The following GLIPR1L1 variants were observed in gnomAD, a reference collection of about 807,000 sequenced individuals.
GLIPR1L1 encodes GLIPR1-like protein 1.
GLIPR1L1 carries 26 observed loss-of-function variants against 29.9 expected under a neutral mutation model. The observed-to-expected ratio is 0.87, with a 90% confidence interval of 0.64 to 1.21. The LOEUF is 1.21. Among genes scored for constraint, GLIPR1L1 ranks in the 50% most tolerant of loss-of-function variants. The probability of loss-of-function intolerance (pLI) is 0.00; values close to 1 mark genes in which losing one functional copy is unlikely to be tolerated. For synonymous variants in GLIPR1L1, 77 were observed against 97.5 expected (o/e 0.79, Z 1.24); for missense variants, 305 against 290.3 (o/e 1.05, Z -0.37).
intron 3 of GLIPR1L1, among the ~76,000 whole-genome samples, chr12:75,349,133 G>T (rs1030474219): frequency 6.6e-6 from 1 of 152,110 alleles, no homozygotes; most frequent in Admixed American, 6.6e-5. Context: ...ACACATGCAC[G>T]TGAGGAAACA....
chr12:75,351,781 A>G (rs780462315), intron 3 of GLIPR1L1, among the ~76,000 whole-genome samples: 15 of 152,182 alleles, frequency 9.9e-5, no homozygotes, highest in Non-Finnish European at 1.8e-4. Flanking sequence ...TCCTGACCTC[A>G]GGTGATCCAC....
intron 3 of GLIPR1L1, among the ~76,000 whole-genome samples, chr12:75,353,037 A>G (rs914087674): frequency 1.3e-5 from 2 of 152,208 alleles, no homozygotes; most frequent in African/African-American, 4.8e-5. Context: ...CTCACATCAA[A>G]AAGCTAGAAA....
intron 3 of GLIPR1L1, among the ~76,000 whole-genome samples, chr12:75,356,341 T>TA (rs1229900186): frequency 1.3e-5 from 2 of 152,122 alleles, no homozygotes; most frequent in Non-Finnish European, 2.9e-5. Context: ...TGTGGATAAA[T>TA]ATATAAGATG....
intron 4 of GLIPR1L1, among the ~76,000 whole-genome samples, chr12:75,365,876 C>G (rs546416049): frequency 6.6e-6 from 1 of 152,180 alleles, no homozygotes; most frequent in South Asian, 2.1e-4. Flanking sequence ...ACCAACAATA[C>G]CAAATGTCTT....
intron 1 of GLIPR1L1, among the ~76,000 whole-genome samples, chr12:75,338,590 A>AT (rs113010335): frequency 0.039 from 5,797 of 148,554 alleles, 128 homozygotes; most frequent in East Asian, 0.051. Context: ...TGGAAAAGTT[A>AT]TTTTTTTTTT....
intron 2 of GLIPR1L1, among the ~76,000 whole-genome samples, chr12:75,346,923 T>C (rs945508943): frequency 6.6e-6 from 1 of 152,114 alleles, no homozygotes; most frequent in Non-Finnish European, 1.5e-5. Context: ...AGTATTTTTT[T>C]CCCTTTTTTG....
chr12:75,343,095 T>C (rs1237508948), intron 1 of GLIPR1L1, among the ~76,000 whole-genome samples: 2 of 152,126 alleles, frequency 1.3e-5, no homozygotes, highest in East Asian at 3.9e-4. Context: ...CCAATCCTTA[T>C]ACATTTTATA....
chr12:75,337,892 C>A (rs1487039789), intron 1 of GLIPR1L1, among the ~76,000 whole-genome samples: 1 of 151,854 alleles, frequency 6.6e-6, no homozygotes, highest in African/African-American at 2.4e-5. Flanking sequence ...GACTTTGAAC[C>A]CAATATAAAT....
chr12:75,370,294 C>G lies in GLIPR1L1; in HGVS notation c.*118C>G. 2.6e-5 allele frequency: 15 copies of G among 579,188 alleles called. No homozygotes were observed. The highest frequency in any genetic ancestry group is 3.7e-5 in the Non-Finnish European group (12 of 326,720). 35.9% of individuals were successfully genotyped at this position (579,188 alleles called of 1,614,324 possible). On this transcript the variant is annotated 3_prime_UTR_variant, in exon 6 of 6. Transcript: ENST00000378695. ...AATCTTCTACACTCTTGCCTGATAC[C>G]TAAATTTAATGTTTGTTTTTAACTC...
chr12:75,356,808 G>A (rs767810772), intron 3 of GLIPR1L1, among the ~76,000 whole-genome samples: 5 of 152,064 alleles, frequency 3.3e-5, no homozygotes, highest in Non-Finnish European at 7.4e-5. Flanking sequence ...AAAACTTTAG[G>A]ATTCTTTTTT....
intron 3 of GLIPR1L1, among the ~76,000 whole-genome samples, chr12:75,361,381 T>C (rs902631067): frequency 2.6e-5 from 4 of 152,314 alleles, no homozygotes; most frequent in Non-Finnish European, 5.9e-5. Flanking sequence ...ATTTAACTTG[T>C]AGCTTGGCTT....
chr12:75,367,782 A>T (rs1190162200), intron 4 of GLIPR1L1, among the ~76,000 whole-genome samples: 1 of 152,106 alleles, frequency 6.6e-6, no homozygotes, highest in African/African-American at 2.4e-5. Context: ...TAATCTTTAT[A>T]TTATTTATTT....
intron 4 of GLIPR1L1, chr12:75,364,663 G>A (rs1249490459): frequency 6.6e-6 from 1 of 152,186 alleles, no homozygotes; most frequent in Non-Finnish European, 1.5e-5. Flanking sequence ...TTGAGCTGCT[G>A]TAATCTTGGT....
intron 2 of GLIPR1L1, among the ~76,000 whole-genome samples, chr12:75,344,928 A>C (rs984664451): frequency 3.3e-5 from 5 of 152,134 alleles, no homozygotes; most frequent in African/African-American, 7.2e-5. Flanking sequence ...GAAGTTGTCC[A>C]GTTTGGAAAG....
intron 4 of GLIPR1L1, among the ~76,000 whole-genome samples, chr12:75,367,743 T>C (rs1416128225): frequency 6.6e-6 from 1 of 152,154 alleles, no homozygotes; most frequent in Non-Finnish European, 1.5e-5. Context: ...ATGTCTTCCG[T>C]TAAAAATAAT....
intron 3 of GLIPR1L1, among the ~76,000 whole-genome samples, chr12:75,353,218 TGA>T (rs1330842652): frequency 6.6e-6 from 1 of 152,006 alleles, no homozygotes; most frequent in African/African-American, 2.4e-5. Context: ...GCTGGCTTTT[TGA>T]AAAGATTAAT....
At chr12:75,340,308 C>T (rs2042018834) in intron 1 of GLIPR1L1, among the ~76,000 whole-genome samples, 1 of 151,818 alleles carries the variant, frequency 6.6e-6, no homozygotes, top group African/African-American at 2.4e-5. Flanking sequence ...TTTTCCTCTG[C>T]GTAGATTTTT....
intron 1 of GLIPR1L1, among the ~76,000 whole-genome samples, chr12:75,339,764 A>G (rs1410384260): frequency 6.6e-6 from 1 of 152,040 alleles, no homozygotes; most frequent in East Asian, 1.9e-4. Flanking sequence ...TAATTTTTGG[A>G]TAAGGTGTAA....
chr12:75,354,169 G>T (rs1029298169), intron 3 of GLIPR1L1, among the ~76,000 whole-genome samples: 31 of 144,626 alleles, frequency 2.1e-4, no homozygotes, highest in Admixed American at 7.6e-4. Flanking sequence ...AAAAAAAAGG[G>T]GGGGGGGTAT....
Sources: gnomAD v4.1 joint callset for allele counts (sites outside exome capture counted in the v4.1 genomes callset) on GRCh38, gnomAD v4.1.1 for gene constraint, MANE v1.5 for transcripts, NCBI Gene and HGNC (gene_info 2026-07-23, HGNC 2026-07-21) for gene names.